The following RPRD2 variants were observed in gnomAD, a reference collection of about 807,000 sequenced individuals.
RPRD2 encodes the protein regulation of nuclear pre-mRNA domain-containing protein 2.
Under a neutral mutation model 104.4 loss-of-function variants are expected in RPRD2, and 12 were observed. The ratio of observed to expected loss-of-function variants is 0.11; its 90% confidence interval spans 0.07 to 0.19. The LOEUF (loss-of-function observed/expected upper bound fraction) is 0.19, where lower values mean the gene tolerates loss of function less well. Ranked by LOEUF, RPRD2 falls within the 10% of genes least tolerant of loss-of-function variation. RPRD2 has a pLI of 1.00. For missense variants in RPRD2, 1,543 were observed against 1,790.1 expected (o/e 0.86, Z 2.49); for synonymous variants, 714 against 684.9 (o/e 1.04, Z -0.66).
rs1661661325 is a variant in RPRD2, at chr1:150,387,566, C to CTTTTTTTTTTTTTTTTTTT, written c.205+22647_205+22648insTTTTTTTTTTTTTTTTTTT. Among the ~76,000 whole-genome samples, 6 of 70,114 alleles carry CTTTTTTTTTTTTTTTTTTT rather than the reference C, an allele frequency of 8.6e-5. 1 individual carries two copies. Among genetic ancestry groups the CTTTTTTTTTTTTTTTTTTT allele is most frequent in the Non-Finnish European group, 1.2e-4 (4 of 34,170 alleles). 46.0% of individuals were successfully genotyped at this position (70,114 alleles called of 152,430 possible). On this transcript the variant is annotated intron_variant, in intron 1 of 10. Transcript: ENST00000369068. ...TAAATCTTACAGAAGTTGCAACAGA[C>CTTTTTTTTTTTTTTTTTTT]CTTTTTTTTTTTTTTTTTTTTTTTT...
intron 10 of RPRD2, 48 bp from the exon 11 acceptor site, chr1:150,470,513 A>G (rs1668520491): frequency 1.9e-6 from 3 of 1,564,386 alleles, no homozygotes; most frequent in Non-Finnish European, 2.6e-6. Flanking sequence ...TTTGCATTGT[A>G]TGATAGGGAG....
intron 1 of RPRD2, among the ~76,000 whole-genome samples, chr1:150,385,586 G>A (rs970722504): frequency 2.0e-5 from 3 of 152,108 alleles, no homozygotes; most frequent in Non-Finnish European, 1.5e-5. Context: ...TTAAGTATGG[G>A]TTATCATAAT....
chr1:150,422,347 A>AATAATAATG (rs1553889811), intron 2 of RPRD2, among the ~76,000 whole-genome samples: 1 of 102,646 alleles, frequency 9.7e-6, no homozygotes, highest in Non-Finnish European at 2.2e-5. Flanking sequence ...TCAAAATAAT[A>AATAATAATG]ATAATAATAA....
intron 6 of RPRD2, among the ~76,000 whole-genome samples, chr1:150,445,490 C>T (rs587620023): frequency 1.3e-5 from 2 of 152,298 alleles, no homozygotes; most frequent in East Asian, 3.9e-4. Context: ...CTTTTCTGAA[C>T]GTTACTTTTC....
intron 1 of RPRD2, among the ~76,000 whole-genome samples, chr1:150,373,484 T>C (rs1660469747): frequency 6.6e-6 from 1 of 151,452 alleles, no homozygotes. Context: ...GCCAGATTTC[T>C]AGGTGGATTA....
At chr1:150,384,589 G>A (rs1031575478) in intron 1 of RPRD2, among the ~76,000 whole-genome samples, 1 of 150,666 alleles carries the variant, frequency 6.6e-6, no homozygotes, top group Non-Finnish European at 1.5e-5. Context: ...CTCCTGCCTC[G>A]GCCTCCAAGT....
chr1:150,460,388 TG>T lies in RPRD2; in HGVS notation c.1411+78del, dbSNP rs1553898587. The T allele has an allele frequency of 3.6e-6, 5 of 1,405,994 alleles. No individual in the cohort carries two copies. The South Asian group carries it at 3.9e-5, about 11-fold the overall frequency. 87.1% of individuals were successfully genotyped at this position (1,405,994 alleles called of 1,614,324 possible). A position where few individuals can be genotyped will look rare whatever the true frequency, so the allele number is the denominator to read the frequency against. The stretch of plus-strand genomic sequence containing the variant: ...TTAAATTGAATCATTAATCTGTTTT[TG>T]GGGGGGTTGTTGTTGTTGTTGTTGT... On this transcript the variant is annotated intron_variant, in intron 9 of 10. Coordinates refer to ENST00000369068, the MANE Select transcript of RPRD2 (RefSeq NM_015203.5).
chr1:150,381,804 A>G (rs1661156390), intron 1 of RPRD2, among the ~76,000 whole-genome samples: 2 of 152,062 alleles, frequency 1.3e-5, no homozygotes. Context: ...GCGCCCGGCC[A>G]CAGGACACAA....
intron 7 of RPRD2, among the ~76,000 whole-genome samples, chr1:150,456,294 A>C (rs972714180): frequency 6.6e-6 from 1 of 152,162 alleles, no homozygotes; most frequent in African/African-American, 2.4e-5. Context: ...AAACAGGAGC[A>C]AGGGAATATA....
chr1:150,402,244 G>T (rs995027085), intron 1 of RPRD2, among the ~76,000 whole-genome samples: 3 of 152,016 alleles, frequency 2.0e-5, no homozygotes, highest in Non-Finnish European at 2.9e-5. Flanking sequence ...AGGCCTTGAT[G>T]GGGTTTTAAA....
intron 10 of RPRD2, among the ~76,000 whole-genome samples, chr1:150,469,282 A>T (rs754428222): frequency 6.6e-6 from 1 of 152,246 alleles, no homozygotes; most frequent in African/African-American, 2.4e-5. Flanking sequence ...TTTTTTAATT[A>T]ATTTATTTTT....
At chr1:150,419,995 C>T (rs1283788874) in intron 2 of RPRD2, among the ~76,000 whole-genome samples, 2 of 152,146 alleles carry the variant, frequency 1.3e-5, no homozygotes, top group African/African-American at 4.8e-5. Context: ...CCTAAACTCT[C>T]AGAGCTGCCT....
chr1:150,380,933 G>A (rs1456991605), intron 1 of RPRD2, among the ~76,000 whole-genome samples: 2 of 152,294 alleles, frequency 1.3e-5, no homozygotes, highest in East Asian at 1.9e-4. Context: ...GGGATTACAG[G>A]CGTGAAGCAC....
chr1:150,408,109 G>A (rs1224108835), intron 1 of RPRD2, among the ~76,000 whole-genome samples: 3 of 144,236 alleles, frequency 2.1e-5, no homozygotes, highest in African/African-American at 5.2e-5. Flanking sequence ...TATTATAATT[G>A]TAACATAGAA....
At chr1:150,418,058 C>T (rs1553888960) in intron 2 of RPRD2, among the ~76,000 whole-genome samples, 1 of 152,056 alleles carries the variant, frequency 6.6e-6, no homozygotes, top group Non-Finnish European at 1.5e-5. Context: ...GCCTCCGCCT[C>T]CCGGGTTCAA....
chr1:150,469,891 T>A (rs1279776598), intron 10 of RPRD2, among the ~76,000 whole-genome samples: 1 of 152,174 alleles, frequency 6.6e-6, no homozygotes, highest in Non-Finnish European at 1.5e-5. Context: ...TCTGTCTTTG[T>A]AAGTCTTTGT....
chr1:150,408,616 A>C (rs1553887086), intron 1 of RPRD2, among the ~76,000 whole-genome samples: 2 of 150,152 alleles, frequency 1.3e-5, no homozygotes, highest in Non-Finnish European at 3.0e-5. Flanking sequence ...TATACATTTA[A>C]ATAGTGTTTT....
intron 2 of RPRD2, among the ~76,000 whole-genome samples, chr1:150,436,240 T>G (rs1300476661): frequency 6.6e-6 from 1 of 152,204 alleles, no homozygotes; most frequent in Non-Finnish European, 1.5e-5. Context: ...TTTTCTTGCT[T>G]GCTAACACAA....
At chr1:150,374,386 T>A (rs1553879081) in intron 1 of RPRD2, among the ~76,000 whole-genome samples, 1 of 152,182 alleles carries the variant, frequency 6.6e-6, no homozygotes, top group Non-Finnish European at 1.5e-5. Flanking sequence ...TTATGTCCTT[T>A]ATAATTAACC....
Sources: allele counts gnomAD v4.1 joint callset (sites outside exome capture counted in the v4.1 genomes callset), GRCh38; gene constraint gnomAD v4.1.1; transcripts MANE v1.5; gene names NCBI Gene and HGNC (gene_info 2026-07-23, HGNC 2026-07-21).